C1GALT1: variants seen among roughly 807,000 people sequenced by gnomAD.
C1GALT1 encodes the protein core 1 synthase, glycoprotein-N-acetylgalactosamine 3-beta-galactosyltransferase 1.
In C1GALT1, 11 loss-of-function variants were observed where a neutral mutation model predicts 31.0. The observed-to-expected ratio is 0.36, with a 90% CI of 0.22 to 0.59. The LOEUF (loss-of-function observed/expected upper bound fraction) is 0.59. C1GALT1 is among the 20% of genes least tolerant of loss of function. C1GALT1 has a pLI of 0.79. For synonymous variants in C1GALT1, 175 were observed against 143.6 expected, an observed-to-expected ratio of 1.22 and a Z score of -1.56; for missense variants, 424 against 425.2, an observed-to-expected ratio of 1.00 and a Z score of 0.03.
chr7:7,235,835 C>T (rs1783311454), intron 2 of C1GALT1, among the ~76,000 whole-genome samples: 1 of 152,200 alleles, frequency 6.6e-6, no homozygotes, highest in African/African-American at 2.4e-5. Flanking sequence ...CTTGCCTTCA[C>T]ATGCTAGCCA....
intron 1 of C1GALT1, among the ~76,000 whole-genome samples, chr7:7,190,854 C>G (rs1173881434): frequency 2.0e-5 from 3 of 151,964 alleles, no homozygotes; most frequent in African/African-American, 7.3e-5. Flanking sequence ...ATACTTTTTG[C>G]CAAGTTATAT....
chr7:7,242,377 A>G (rs949189863), intron 3 of C1GALT1, among the ~76,000 whole-genome samples: 4 of 152,070 alleles, frequency 2.6e-5, no homozygotes, highest in East Asian at 1.9e-4. Context: ...CTAAGAATCT[A>G]CATATCCAGT....
intron 1 of C1GALT1, among the ~76,000 whole-genome samples, chr7:7,229,334 G>A (rs552946489): frequency 6.6e-6 from 1 of 152,310 alleles, no homozygotes; most frequent in Non-Finnish European, 1.5e-5. Flanking sequence ...ATCAGAGGAT[G>A]TAGAGAGTGA....
chr7:7,212,797 A>C (rs1187799537), intron 1 of C1GALT1, among the ~76,000 whole-genome samples: 1 of 152,108 alleles, frequency 6.6e-6, no homozygotes, highest in East Asian at 1.9e-4. Flanking sequence ...GTATTGTCAC[A>C]AGGGCTGGGA....
intron 2 of C1GALT1, among the ~76,000 whole-genome samples, chr7:7,170,383 T>A (rs1158875858): frequency 2.0e-5 from 3 of 152,228 alleles, no homozygotes; most frequent in Non-Finnish European, 2.9e-5. Flanking sequence ...ATTGGTTATC[T>A]TTTGTCTTTT....
At chr7:7,222,900 G>GTTTTTT (rs386409457) in intron 1 of C1GALT1, among the ~76,000 whole-genome samples, 1 of 107,152 alleles carries the variant, frequency 9.3e-6, no homozygotes, top group African/African-American at 4.6e-5. Flanking sequence ...AGGTATGTGA[G>GTTTTTT]TTTTTTTTTG....
chr7:7,230,192 A>T (rs980317272), intron 1 of C1GALT1, among the ~76,000 whole-genome samples: 1 of 152,222 alleles, frequency 6.6e-6, no homozygotes, highest in African/African-American at 2.4e-5. Flanking sequence ...TTTATATCAA[A>T]TATGAATATA....
At chr7:7,200,902 C>CT (rs1562569476) in intron 1 of C1GALT1, among the ~76,000 whole-genome samples, 1 of 152,196 alleles carries the variant, frequency 6.6e-6, no homozygotes, top group Non-Finnish European at 1.5e-5. Flanking sequence ...TTCATCTAAT[C>CT]TTTTTTCAAG....
chr7:7,207,894 A>G (rs909815084), intron 1 of C1GALT1, among the ~76,000 whole-genome samples: 6 of 151,968 alleles, frequency 3.9e-5, no homozygotes, highest in African/African-American at 1.5e-4. Flanking sequence ...CTTAAGCTGG[A>G]TATGTAATAC....
At chr7:7,242,053 T>C (rs1783653513) in intron 3 of C1GALT1, among the ~76,000 whole-genome samples, 1 of 151,964 alleles carries the variant, frequency 6.6e-6, no homozygotes, top group Non-Finnish European at 1.5e-5. Context: ...TAAGTATGTG[T>C]GGTTATTGAG....
At chr7:7,216,365 C>G (rs1470607792) in intron 1 of C1GALT1, among the ~76,000 whole-genome samples, 1 of 152,134 alleles carries the variant, frequency 6.6e-6, no homozygotes. Context: ...AGGCATGGTC[C>G]TCCAAGCTGT....
chr7:7,220,405 C>G (rs1488512228), intron 1 of C1GALT1, among the ~76,000 whole-genome samples: 1 of 152,214 alleles, frequency 6.6e-6, no homozygotes, highest in African/African-American at 2.4e-5. Flanking sequence ...AGTCCCCAGA[C>G]CTGTATCTCC....
intron 1 of C1GALT1, among the ~76,000 whole-genome samples, chr7:7,204,986 A>G (rs1364467878): frequency 6.6e-6 from 1 of 152,116 alleles, no homozygotes; most frequent in Non-Finnish European, 1.5e-5. Context: ...TGTACTTGAG[A>G]ACAATATGTA....
intron 2 of C1GALT1, among the ~76,000 whole-genome samples, chr7:7,170,056 T>C (rs1780437364): frequency 6.6e-6 from 1 of 152,254 alleles, no homozygotes; most frequent in South Asian, 2.1e-4. Context: ...AGTGAAATTT[T>C]CTATTTCATC....
chr7:7,208,733 A>G (rs1178568868), intron 1 of C1GALT1, among the ~76,000 whole-genome samples: 2 of 152,044 alleles, frequency 1.3e-5, no homozygotes, highest in African/African-American at 2.4e-5. Context: ...CCCATTCCTG[A>G]TATTTGGAGG....
intron 1 of C1GALT1, among the ~76,000 whole-genome samples, chr7:7,215,260 C>A (rs944472027): frequency 6.6e-6 from 1 of 152,120 alleles, no homozygotes; most frequent in African/African-American, 2.4e-5. Context: ...TTTGACAGAA[C>A]CATACAGAAA....
Position 7,182,750 on chromosome 7 carries a change from G to C in C1GALT1, c.-88G>C, listed in dbSNP as rs1379170339. 2.0e-5 allele frequency: 19 copies of C among 972,348 alleles called. No homozygotes were observed. The South Asian group carries it at 2.9e-4, about 15-fold the overall frequency. The allele number at this position is 972,348 out of a possible 1,614,324, so 60.2% of individuals were successfully genotyped here. On this transcript the variant is annotated 5_prime_UTR_variant, in exon 1 of 4. Coordinates refer to ENST00000436587, the MANE Select transcript of C1GALT1 (RefSeq NM_020156.5). ...TTCTGCGGCTGCCCAGAGAAGCAAAGGTCACCAGTCCCAAGTCGTCCCCCT... is the reference window on the plus strand; with the variant it reads ...TTCTGCGGCTGCCCAGAGAAGCAAACGTCACCAGTCCCAAGTCGTCCCCCT...
chr7:7,218,679 C>A (rs74695905), intron 1 of C1GALT1, among the ~76,000 whole-genome samples: 5,467 of 152,208 alleles, frequency 0.036, 167 homozygotes, highest in African/African-American at 0.092. Flanking sequence ...AGAGTTTACA[C>A]TGAAACAGTA....
chr7:7,234,266 T>G (rs966732702), intron 1 of C1GALT1, 37 bp from the exon 2 acceptor site: 1 of 1,501,380 alleles, frequency 6.7e-7, no homozygotes, highest in Non-Finnish European at 9.2e-7. Flanking sequence ...TATACAGCTT[T>G]GATTTTATAA....
Sources: allele counts gnomAD v4.1 joint callset (sites outside exome capture counted in the v4.1 genomes callset), GRCh38; gene constraint gnomAD v4.1.1; transcripts MANE v1.5; gene names NCBI Gene and HGNC (gene_info 2026-07-23, HGNC 2026-07-21).